USP7: variants seen among roughly 807,000 people sequenced by gnomAD.
USP7 encodes ubiquitin C-terminal hydrolase 7.
Under a neutral mutation model 162.9 loss-of-function variants are expected in USP7, and 9 were observed. The observed-to-expected ratio is 0.06, with a 90% CI of 0.03 to 0.10. The LOEUF is 0.10. Among genes scored for constraint, USP7 ranks in the 10% least tolerant of loss-of-function variants. The pLI is 1.00. For missense variants in USP7, 715 were observed against 1,373.7 expected, an observed-to-expected ratio of 0.52 and a Z score of 7.58; for synonymous variants, 562 against 475.9, an observed-to-expected ratio of 1.18 and a Z score of -2.35.
intron 11 of USP7, 88 bp from the exon 12 acceptor site, chr16:8,908,538 A>C: frequency 8.8e-7 from 1 of 1,130,486 alleles, no homozygotes; most frequent in Non-Finnish European, 1.3e-6. Flanking sequence ...CAAGATTGGA[A>C]CATGTCTGGA....
intron 2 of USP7, among the ~76,000 whole-genome samples, chr16:8,928,381 T>G (rs1203919235): frequency 6.6e-6 from 1 of 152,218 alleles, no homozygotes; most frequent in African/African-American, 2.4e-5. Flanking sequence ...TAGGGAATCA[T>G]TAACAAAAAC....
At chr16:8,915,201 AAC>A in intron 10 of USP7, 51 bp downstream of exon 10, 2 of 1,471,742 alleles carry the variant, frequency 1.4e-6, no homozygotes, top group South Asian at 1.2e-5. Context: ...GAAACATTAA[AAC>A]ACAGTAGAAA....
At chr16:8,957,470 GAGGTGGCTC>G (rs202171283) in intron 1 of USP7, among the ~76,000 whole-genome samples, 7,098 of 152,160 alleles carry the variant, frequency 0.047, 226 homozygotes, top group Middle Eastern at 0.15. Context: ...CGGGCTGGGT[GAGGTGGCTC>G]ACACCTATAA....
rs534661664 is a variant in USP7, at chr16:8,933,098, G to A, written c.80-2701C>T. ...TGGGATTACAGGTGTGTACCACCAC[G>A]CTTGGCTAATTTTGTATTTTTAGTA... On this transcript the variant is annotated intron_variant, in intron 1 of 30. Coordinates refer to ENST00000344836, the MANE Select transcript of USP7 (RefSeq NM_003470.3). Among the ~76,000 whole-genome samples, 124 of 152,152 alleles carry A rather than the reference G, an allele frequency of 8.1e-4. 1 individual carries two copies. The highest frequency in any genetic ancestry group is 1.5e-3 in the Non-Finnish European group (100 of 68,016).
chr16:8,900,909 A>C, intron 20 of USP7, 81 bp downstream of exon 20: 1 of 1,432,924 alleles, frequency 7.0e-7, no homozygotes, highest in Non-Finnish European at 9.6e-7. Flanking sequence ...CACTGTAACA[A>C]ATTCGGGGTA....
At chr16:8,930,504 C>T in intron 1 of USP7, 107 bp from the exon 2 acceptor site, 1 of 696,720 alleles carries the variant, frequency 1.4e-6, no homozygotes, top group Non-Finnish European at 2.2e-6. Flanking sequence ...TAATAAATTC[C>T]AATTGTACCA....
chr16:8,911,684 A>T (rs1172363169), intron 10 of USP7, among the ~76,000 whole-genome samples: 1 of 152,216 alleles, frequency 6.6e-6, no homozygotes, highest in African/African-American at 2.4e-5. Flanking sequence ...AAGAAGTGAG[A>T]ATGAGAGGAG....
At chr16:8,907,400 A>C (rs1347988024) in intron 12 of USP7, among the ~76,000 whole-genome samples, 3 of 152,202 alleles carry the variant, frequency 2.0e-5, no homozygotes, top group African/African-American at 7.2e-5. Flanking sequence ...GTAGCAAGTA[A>C]AGTGATTTGA....
In USP7 at chr16:8,901,132, A is replaced by G; in HGVS notation, c.2140+10T>C. 1.2e-6 allele frequency: 2 copies of G among 1,612,344 alleles called. No individual in the cohort carries two copies. Among genetic ancestry groups the G allele is most frequent in the Non-Finnish European group, 1.7e-6 (2 of 1,178,338 alleles). ...AATCTACTCAGAAGGTAAGTGCACG[A>G]AGGACTTACGTATTTTACAGGATAT... On this transcript the variant is annotated intron_variant, in intron 19 of 30. Coordinates refer to ENST00000344836, the MANE Select transcript of USP7 (RefSeq NM_003470.3).
chr16:8,919,444 C>T (rs1897558549), intron 5 of USP7, among the ~76,000 whole-genome samples: 1 of 152,044 alleles, frequency 6.6e-6, no homozygotes, highest in Non-Finnish European at 1.5e-5. Flanking sequence ...ACCCAACATG[C>T]CTCATGGTAG....
intron 1 of USP7, among the ~76,000 whole-genome samples, chr16:8,932,865 C>T (rs559913017): frequency 6.6e-6 from 1 of 151,276 alleles, no homozygotes; most frequent in South Asian, 2.1e-4. Context: ...TATATTTAAA[C>T]TTAAGAATAT....
At chr16:8,894,677 T>C (rs764050052) in intron 29 of USP7, 37 bp from the exon 30 acceptor site, 2 of 1,611,920 alleles carry the variant, frequency 1.2e-6, no homozygotes, top group South Asian at 2.2e-5. Context: ...CCGTTATTTC[T>C]GTATATCAGC....
chr16:8,952,836 C>T lies in USP7; in HGVS notation c.79+10371G>A, dbSNP rs74697944. On this transcript the variant is annotated intron_variant, in intron 1 of 30. Coordinates refer to ENST00000344836, the MANE Select transcript of USP7 (RefSeq NM_003470.3). Reference sequence around the variant, plus strand: ...CACCCCTCCCGCCTGTGACCACACTCGCTTTTTTTTTTTTAAGACGGAGTC... The same window carrying T: ...CACCCCTCCCGCCTGTGACCACACTTGCTTTTTTTTTTTTAAGACGGAGTC... Among the ~76,000 whole-genome samples the T allele has an allele frequency of 1.4e-3, 211 of 150,830 alleles. 3 individuals carry two copies. The East Asian group carries it at 0.037, about 27-fold the overall frequency.
chr16:8,916,154 C>G (rs1409621588), intron 8 of USP7, among the ~76,000 whole-genome samples: 4 of 152,210 alleles, frequency 2.6e-5, no homozygotes, highest in African/African-American at 9.7e-5. Context: ...GGAGTAACAA[C>G]AGAAGTCACC....
rs768021471 is a variant in USP7 at position 8,894,101 on chromosome 16, T to C, written c.3206A>G (p.Asn1069Ser). The C allele has an allele frequency of 3.1e-6, 5 of 1,614,066 alleles. No individual in the cohort carries two copies. The change falls in exon 31 of 31, where the codon AAT becomes AGT. Residue 1069 changes from asparagine (N) to serine (S), a missense_variant. By Grantham distance (46) the Asn-to-Ser change is conservative. Transcript: ENST00000344836. The stretch of plus-strand genomic sequence containing the variant: ...TAGCCAAGGCCGAGGATGAGACATA[T>C]TACCTGGTGGGGATGAAGAAAAGCA... ...NLKDFEPQPG[N>S]MSHPRPWLGL...
chr16:8,920,165 G>A (rs1218204956), intron 5 of USP7, among the ~76,000 whole-genome samples, 194 bp downstream of exon 5: 1 of 152,170 alleles, frequency 6.6e-6, no homozygotes, highest in East Asian at 1.9e-4. Flanking sequence ...TGTTCCAAGG[G>A]TCTAACATAT....
chr16:8,925,333 T>C (rs1414402967), intron 2 of USP7, among the ~76,000 whole-genome samples: 1 of 152,194 alleles, frequency 6.6e-6, no homozygotes, highest in Non-Finnish European at 1.5e-5. Flanking sequence ...CTTGCCCGCT[T>C]TATGAAGCCC....
chr16:8,933,190 G>A (rs889913748), intron 1 of USP7, among the ~76,000 whole-genome samples: 2 of 152,042 alleles, frequency 1.3e-5, no homozygotes, highest in African/African-American at 2.4e-5. Flanking sequence ...TCCACCTGCC[G>A]TGGCCTCTCA....
chr16:8,920,244 G>A (rs1047887328), intron 5 of USP7, 115 bp downstream of exon 5: 62 of 869,620 alleles, frequency 7.1e-5, no homozygotes, highest in East Asian at 2.0e-4. Flanking sequence ...CAGGGCAAGC[G>A]CAGAGAGGAG....
Sources: gnomAD v4.1 joint callset for allele counts (sites outside exome capture counted in the v4.1 genomes callset) on GRCh38, gnomAD v4.1.1 for gene constraint, MANE v1.5 for transcripts, NCBI Gene and HGNC (gene_info 2026-07-23, HGNC 2026-07-21) for gene names.